Variants in PALM2AKAP2 observed in about 807,000 individuals in gnomAD.
The protein encoded by PALM2AKAP2 is PALM2 and AKAP2 fusion.
Under a neutral mutation model 71.5 loss-of-function variants are expected in PALM2AKAP2, and 37 were observed. The observed-to-expected ratio is 0.52, with a 90% confidence interval of 0.40 to 0.68. The LOEUF (loss-of-function observed/expected upper bound fraction) is 0.68. Ranked by LOEUF, PALM2AKAP2 falls within the 30% of genes least tolerant of loss-of-function variation. The pLI is 0.00. For missense variants in PALM2AKAP2, 1,224 were observed against 1,191.8 expected, an observed-to-expected ratio of 1.03 and a Z score of -0.40; for synonymous variants, 468 against 478.8, an observed-to-expected ratio of 0.98 and a Z score of 0.29.
At chr9:109,813,997 T>G (rs1827790247) in intron 1 of PALM2AKAP2, among the ~76,000 whole-genome samples, 1 of 152,220 alleles carries the variant, frequency 6.6e-6, no homozygotes, top group African/African-American at 2.4e-5. Context: ...TCCCACATTC[T>G]GGACTCCTGG....
chr9:109,942,068 TC>T (rs1239047359), intron 6 of PALM2AKAP2, among the ~76,000 whole-genome samples: 1 of 152,204 alleles, frequency 6.6e-6, no homozygotes, highest in Admixed American at 6.5e-5. Context: ...GTTACTTCTG[TC>T]TTGTTCTTTT....
intron 1 of PALM2AKAP2, among the ~76,000 whole-genome samples, chr9:110,082,474 C>T (rs189351337): frequency 4.1e-4 from 63 of 152,278 alleles, no homozygotes; most frequent in African/African-American, 1.4e-3. Flanking sequence ...ATAAAAACAA[C>T]CAGTAGTTTT....
At chr9:109,722,469 A>G (rs539923617) in intron 1 of PALM2AKAP2, among the ~76,000 whole-genome samples, 2 of 152,312 alleles carry the variant, frequency 1.3e-5, no homozygotes, top group South Asian at 4.2e-4. Flanking sequence ...GTAAATTGTT[A>G]CAGATAAATA....
intron 1 of PALM2AKAP2, among the ~76,000 whole-genome samples, chr9:109,752,853 A>G (rs1166816583): frequency 2.0e-5 from 3 of 152,168 alleles, no homozygotes; most frequent in African/African-American, 7.2e-5. Context: ...TTGTTCATCC[A>G]GTTGAGAAAA....
At chr9:109,788,167 C>G (rs1465438409) in intron 1 of PALM2AKAP2, among the ~76,000 whole-genome samples, 3 of 152,182 alleles carry the variant, frequency 2.0e-5, no homozygotes, top group African/African-American at 7.2e-5. Context: ...CACATCAAGT[C>G]AGCACCTTAA....
intron 1 of PALM2AKAP2, among the ~76,000 whole-genome samples, chr9:110,081,325 G>A (rs563491694): frequency 6.6e-6 from 1 of 152,332 alleles, no homozygotes; most frequent in East Asian, 1.9e-4. Context: ...TCGCACCAGA[G>A]CATTTCATTG....
chr9:109,679,299 T>A (rs567504034), intron 1 of PALM2AKAP2, among the ~76,000 whole-genome samples: 45 of 152,302 alleles, frequency 3.0e-4, no homozygotes, highest in African/African-American at 9.6e-4. Flanking sequence ...ACAAGTGGTA[T>A]GAGAACAAGA....
At chr9:110,098,274 AT>A (rs1344726683) in intron 1 of PALM2AKAP2, among the ~76,000 whole-genome samples, 1 of 152,134 alleles carries the variant, frequency 6.6e-6, no homozygotes, top group African/African-American at 2.4e-5. Flanking sequence ...AAATGGGATA[AT>A]AATAGTACCA....
At chr9:110,035,674 TTA>T (rs1281425787) in intron 7 of PALM2AKAP2, among the ~76,000 whole-genome samples, 1 of 124,302 alleles carries the variant, frequency 8.0e-6, no homozygotes, top group Non-Finnish European at 1.6e-5. Flanking sequence ...ATGTTGTGTG[TTA>T]TATATAACAT....
chr9:110,130,443 G>A (rs958111301), intron 1 of PALM2AKAP2, among the ~76,000 whole-genome samples: 4 of 152,146 alleles, frequency 2.6e-5, no homozygotes, highest in African/African-American at 7.2e-5. Flanking sequence ...ATTAAGCCAC[G>A]CTAATTTGCT....
At chr9:109,911,351 C>T (rs747517393) in intron 3 of PALM2AKAP2, among the ~76,000 whole-genome samples, 3 of 152,162 alleles carry the variant, frequency 2.0e-5, no homozygotes, top group Non-Finnish European at 4.4e-5. Context: ...ATTTCCTACA[C>T]GGAAATCCAC....
chr9:109,662,827 T>C (rs1009679319), intron 1 of PALM2AKAP2, among the ~76,000 whole-genome samples: 3 of 152,204 alleles, frequency 2.0e-5, no homozygotes, highest in Non-Finnish European at 4.4e-5. Context: ...AGGCTATTAA[T>C]TATTGCCTCA....
At chr9:109,922,649 A>G (rs1208965908) in intron 3 of PALM2AKAP2, among the ~76,000 whole-genome samples, 5 of 152,166 alleles carry the variant, frequency 3.3e-5, no homozygotes, top group Non-Finnish European at 5.9e-5. Context: ...TTTTAGCAAG[A>G]GAACATTTAT....
intron 1 of PALM2AKAP2, among the ~76,000 whole-genome samples, chr9:109,819,632 T>G (rs1827938945): frequency 8.1e-6 from 1 of 124,136 alleles, no homozygotes; most frequent in Admixed American, 7.8e-5. Flanking sequence ...TCCTTCTGCA[T>G]ACATCATTGA....
rs183786464 is a variant in PALM2AKAP2, at chr9:110,091,739, G to A, written c.156+42884G>A. 1.2e-3 allele frequency among the ~76,000 whole-genome samples: 176 copies of A among 152,178 alleles called. 1 individual carries two copies. Among genetic ancestry groups the A allele is most frequent in the African/African-American group, 4.2e-3 (173 of 41,532 alleles). On this transcript the variant is annotated intron_variant, in intron 1 of 3. Transcript: ENST00000374525. The stretch of plus-strand genomic sequence containing the variant: ...GGCCTCCCAAAGTGCCGGGATTACA[G>A]GTGTGAGCCACCGCGCCCAGCCAAG...
chr9:109,905,565 G>A (rs1346647814), intron 3 of PALM2AKAP2, among the ~76,000 whole-genome samples: 1 of 152,282 alleles, frequency 6.6e-6, no homozygotes, highest in Non-Finnish European at 1.5e-5. Context: ...GCAGGATGCA[G>A]CGTTAGATGC....
intron 7 of PALM2AKAP2, among the ~76,000 whole-genome samples, chr9:110,037,125 C>A (rs933765912): frequency 2.0e-5 from 3 of 151,394 alleles, no homozygotes; most frequent in Admixed American, 2.0e-4. Flanking sequence ...TTTCTTACCT[C>A]ATTGTCCATG....
intron 3 of PALM2AKAP2, among the ~76,000 whole-genome samples, chr9:110,163,530 G>A (rs1025577518): frequency 2.6e-5 from 4 of 152,132 alleles, no homozygotes; most frequent in African/African-American, 9.7e-5. Context: ...TGAGCTTGTT[G>A]TTCATCATTT....
exon 4 of PALM2AKAP2, chr9:110,169,990 G>A (rs150450632): frequency 2.5e-3 from 386 of 152,692 alleles, no homozygotes; most frequent in Admixed American, 4.1e-3. Flanking sequence ...ACCTAACAAG[G>A]TATTTGCATG....
Sources: gnomAD v4.1 joint callset for allele counts (sites outside exome capture counted in the v4.1 genomes callset) on GRCh38, gnomAD v4.1.1 for gene constraint, MANE v1.5 for transcripts, NCBI Gene and HGNC (gene_info 2026-07-23, HGNC 2026-07-21) for gene names.